Variants in BOC observed in about 807,000 individuals in gnomAD.
BOC encodes brother of CDO.
In BOC, 76 loss-of-function variants were observed where a neutral mutation model predicts 112.0. The observed-to-expected ratio is 0.68, with a 90% CI of 0.56 to 0.82. The LOEUF (loss-of-function observed/expected upper bound fraction) is 0.82. Among genes scored for constraint, BOC ranks in the 40% least tolerant of loss-of-function variants. The probability of loss-of-function intolerance (pLI) is 0.00; values close to 1 mark genes in which losing one functional copy is unlikely to be tolerated. For missense variants in BOC, 1,309 were observed against 1,511.7 expected (o/e 0.87, Z 2.22); for synonymous variants, 580 against 599.8 (o/e 0.97, Z 0.48).
At chr3:113,240,028 A>T (rs1576379749) in intron 2 of BOC, among the ~76,000 whole-genome samples, 1 of 152,194 alleles carries the variant, frequency 6.6e-6, no homozygotes, top group East Asian at 1.9e-4. Context: ...AGGACCAAGG[A>T]GCTGAGGCTG....
chr3:113,281,044 G>A lies in BOC; in HGVS notation c.2325G>A (p.Trp775Ter). 1 of 1,613,990 alleles carries A rather than the reference G, an allele frequency of 6.2e-7. No individual in the cohort carries two copies. ...TCTGTTTCCCAGGGGACAAGTACTG[G>A]CACTCCATCAGCCACCTGCAGCCAG... is the stretch of plus-strand genomic sequence containing the variant. ...KKDMVEGDKY[W>*]HSISHLQPET... Residue 775 changes from tryptophan (W) to a stop codon, truncating the protein, a stop_gained, in exon 15 of 20, where the codon TGG becomes TGA. Transcript: ENST00000682979. LOFTEE classifies it high-confidence loss of function.
intron 2 of BOC, among the ~76,000 whole-genome samples, chr3:113,246,127 A>T (rs182273836): frequency 6.6e-6 from 1 of 152,260 alleles, no homozygotes; most frequent in Non-Finnish European, 1.5e-5. Flanking sequence ...TTTCAAAAAC[A>T]TCTGTTTGGA....
At chr3:113,212,845 G>C (rs965153190) in intron 1 of BOC, among the ~76,000 whole-genome samples, 4 of 152,204 alleles carry the variant, frequency 2.6e-5, no homozygotes, top group Non-Finnish European at 5.9e-5. Flanking sequence ...CCAGTGGGAC[G>C]GGGCTGTGGG....
At chr3:113,239,062 T>C (rs746904095) in intron 2 of BOC, among the ~76,000 whole-genome samples, 1 of 152,228 alleles carries the variant, frequency 6.6e-6, no homozygotes, top group Non-Finnish European at 1.5e-5. Context: ...CTAAATTGAA[T>C]GTGCAGTAAA....
chr3:113,268,516 G>A, intron 5 of BOC, 71 bp downstream of exon 5: 1 of 1,461,236 alleles, frequency 6.8e-7, no homozygotes, highest in Non-Finnish European at 9.4e-7. Flanking sequence ...ACCGCTCGCT[G>A]CTCAACAAAG....
Position 113,274,679 on chromosome 3 carries a change from C to G in BOC, c.1539C>G (p.Arg513=). Residue 513 remains arginine (R), a synonymous_variant, in exon 9 of 20, where the codon CGC becomes CGG. Transcript: ENST00000682979. The surrounding 1 kb of genome is among the most constrained non-coding windows in gnomAD (Gnocchi z 4.8). ...APILYYVVKH[R]KQVTNSSDDW... ...TCCTCTACTATGTGGTGAAACACCG[C>G]AAGGTATGGCCCTGGTGTGGGGCTG... The G allele has an allele frequency of 6.3e-7, 1 of 1,589,562 alleles. No homozygotes were observed. Among genetic ancestry groups the G allele is most frequent in the Non-Finnish European group, 8.6e-7 (1 of 1,163,322 alleles).
chr3:113,216,525 C>T (rs1255157880), intron 2 of BOC: 8 of 264,000 alleles, frequency 3.0e-5, no homozygotes, highest in East Asian at 1.7e-4. Context: ...AGATACAAAC[C>T]GTTTACTATG....
intron 2 of BOC, among the ~76,000 whole-genome samples, chr3:113,245,712 A>G (rs949602045): frequency 6.6e-6 from 1 of 152,250 alleles, no homozygotes; most frequent in African/African-American, 2.4e-5. Context: ...CAATGGAACA[A>G]AAGACTTTGT....
chr3:113,250,423 A>G (rs4682131), intron 3 of BOC, 132 bp from the exon 4 acceptor site: 207,603 of 990,056 alleles, frequency 0.21, 25,887 homozygotes, highest in East Asian at 0.48. Flanking sequence ...GGACAAGAGC[A>G]GTAGAGTCGG....
Position 113,236,213 on chromosome 3 carries a change from C to T in BOC, c.-81-13509C>T, listed in dbSNP as rs985771679. 2.0e-3 allele frequency among the ~76,000 whole-genome samples: 145 copies of T among 71,414 alleles called. 2 individuals carry two copies. Among genetic ancestry groups the T allele is most frequent in the African/African-American group, 6.3e-3 (132 of 21,072 alleles). The allele number at this position is 71,414 out of a possible 152,430, so 46.9% of individuals were successfully genotyped here. On this transcript the variant is annotated intron_variant, in intron 2 of 19. Transcript: ENST00000682979. The stretch of plus-strand genomic sequence containing the variant: ...ATAAAGAAAATATGGTATATATATA[C>T]GTGTATATACGTATATGTGTGTGTG...
At position 113,285,388 on chromosome 3, in the gene BOC, C is replaced by G. The variant is rs146457578; in HGVS notation, c.2983C>G (p.Pro995Ala). The G allele has an allele frequency of 6.2e-7, 1 of 1,613,088 alleles. No individual in the cohort carries two copies. The highest frequency in any genetic ancestry group is 1.1e-5 in the South Asian group (1 of 91,018). ...GCACTGCAGGGGTCCCAAGTCTAGCCCGGACGAGGGCTCTTTCTTATACAC... is the reference window on the plus strand; with the variant it reads ...GCACTGCAGGGGTCCCAAGTCTAGCGCGGACGAGGGCTCTTTCTTATACAC... ...HQITRGPKSS[P>A]DEGSFLYTLP... Residue 995 changes from proline to alanine, a missense_variant, in exon 19 of 20, where the codon CCG becomes GCG. Pro to Ala is a conservative substitution (Grantham distance 27, BLOSUM62 -1). Transcript: ENST00000682979.
At chr3:113,273,865 C>T (rs1002370267) in intron 8 of BOC, among the ~76,000 whole-genome samples, 1 of 152,204 alleles carries the variant, frequency 6.6e-6, no homozygotes, top group African/African-American at 2.4e-5. Flanking sequence ...GAGACAGGTG[C>T]TGGCAGATTC....
At chr3:113,223,356 C>G (rs1559803497) in intron 2 of BOC, among the ~76,000 whole-genome samples, 1 of 152,178 alleles carries the variant, frequency 6.6e-6, no homozygotes, top group Non-Finnish European at 1.5e-5. Flanking sequence ...CCAATTTCCC[C>G]CAATCACTTA....
intron 4 of BOC, among the ~76,000 whole-genome samples, chr3:113,255,043 T>C (rs763062014): frequency 2.5e-4 from 38 of 152,274 alleles, no homozygotes; most frequent in Admixed American, 4.6e-4. Flanking sequence ...TGCTGCATGC[T>C]CTGTGGAGGT....
chr3:113,261,406 A>T (rs909285999), intron 4 of BOC, among the ~76,000 whole-genome samples: 31 of 151,944 alleles, frequency 2.0e-4, no homozygotes, highest in African/African-American at 7.5e-4. Flanking sequence ...TCTTCAGTAT[A>T]TTTTTTTTCT....
In BOC at chr3:113,226,312, T is replaced by C. The variant is rs114049815; in HGVS notation, c.-82+10038T>C. The stretch of plus-strand genomic sequence containing the variant: ...GTGCAGAGAGCGCAGAATGGGTCTT[T>C]CTCCATGTGGGGTGCTTCAGCCAGT... On this transcript the variant is annotated intron_variant, in intron 2 of 19. Coordinates refer to ENST00000682979, the MANE Select transcript of BOC (RefSeq NM_001378074.1). 3.2e-3 allele frequency among the ~76,000 whole-genome samples: 482 copies of C among 152,294 alleles called. 5 individuals are homozygous for C. Among genetic ancestry groups the C allele is most frequent in the African/African-American group, 0.011 (456 of 41,556 alleles).
chr3:113,277,995 C>A, intron 9 of BOC, 100 bp from the exon 10 acceptor site: 1 of 1,458,592 alleles, frequency 6.9e-7, no homozygotes. Flanking sequence ...CCTTCCCCTT[C>A]TCCTGCCCTC....
rs1426190099 is a variant in BOC at position 113,280,578 on chromosome 3, C to A, written c.2226C>A (p.Asn742Lys). 1.2e-6 allele frequency: 2 copies of A among 1,610,824 alleles called. No individual in the cohort carries two copies. The highest frequency in any genetic ancestry group is 1.7e-6 in the Non-Finnish European group (2 of 1,177,102). ...TATAGTACATCCCAGCAAGTAACAA[C>A]AACACCCCAATCCATGGCTTTTATA... is the stretch of plus-strand genomic sequence containing the variant. ...LKWMYIPASN[N>K]NTPIHGFYIY... is the part of the protein sequence containing the mutation. Residue 742 changes from asparagine to lysine, a missense_variant, in exon 14 of 20, where the codon AAC (asparagine) becomes AAA (lysine). Asn to Lys is a moderately conservative substitution (Grantham distance 94, BLOSUM62 0). Transcript: ENST00000682979.
chr3:113,265,129 AC>A (rs1221901038), intron 4 of BOC, among the ~76,000 whole-genome samples: 3 of 152,156 alleles, frequency 2.0e-5, no homozygotes, highest in African/African-American at 7.2e-5. Flanking sequence ...AGTGTTTTCT[AC>A]CACTGGGTTG....
Sources: gnomAD v4.1 joint callset for allele counts (sites outside exome capture counted in the v4.1 genomes callset) on GRCh38, gnomAD v4.1.1 for gene constraint, Gnocchi (gnomAD v3.1) non-coding constraint, MANE v1.5 for transcripts, NCBI Gene and HGNC (gene_info 2026-07-23, HGNC 2026-07-21) for gene names.